The following GABRG1 variants were observed in gnomAD, a reference collection of about 807,000 sequenced individuals.
GABRG1 encodes gamma-aminobutyric acid type A receptor subunit gamma1, also known as gamma-aminobutyric acid receptor subunit gamma-1.
In GABRG1, 49 loss-of-function variants were observed where a neutral mutation model predicts 49.8. The observed-to-expected ratio is 0.98, with a 90% CI of 0.78 to 1.25. The LOEUF is 1.25. Among genes scored for constraint, GABRG1 ranks in the 50% most tolerant of loss-of-function variants. The probability of loss-of-function intolerance (pLI) is 0.00; values close to 1 mark genes in which losing one functional copy is unlikely to be tolerated. For missense variants in GABRG1, 552 were observed against 552.3 expected (o/e 1.00, Z 0.01); for synonymous variants, 232 against 185.1 (o/e 1.25, Z -2.06).
At position 46,064,532 on chromosome 4, in the gene GABRG1, A is replaced by T. The variant is rs750033919; in HGVS notation, c.543-9T>A. 1 of 1,366,394 alleles carries T rather than the reference A, an allele frequency of 7.3e-7. No individual in the cohort carries two copies. Among genetic ancestry groups the T allele is most frequent in the Non-Finnish European group, 1.0e-6 (1 of 1,004,672 alleles). The allele number at this position is 1,366,394 out of a possible 1,614,324, so 84.6% of individuals were successfully genotyped here. On this transcript the variant is annotated splice_polypyrimidine_tract_variant and intron_variant, in intron 4 of 8. Coordinates refer to ENST00000295452, the MANE Select transcript of GABRG1 (RefSeq NM_173536.4). ...CTGCATTAATTGTCAATCTATTTAG[A>T]TGGAAAGAAAAGTATTAAATAAAGA...
Position 46,059,410 on chromosome 4 carries a change from G to A in GABRG1, c.626-788C>T, listed in dbSNP as rs190904956. Among the ~76,000 whole-genome samples the A allele has an allele frequency of 6.6e-3, 999 of 150,236 alleles. 5 individuals are homozygous for A. The highest frequency in any genetic ancestry group is 7.6e-3 in the Non-Finnish European group (516 of 67,702). ...ATATTCTCCTTTTTTTTTTTTAGAC[G>A]GAGTCTCACTCTGTTGTCCAGGCTG... On this transcript the variant is annotated intron_variant, in intron 5 of 8. Coordinates refer to ENST00000295452, the MANE Select transcript of GABRG1 (RefSeq NM_173536.4).
chr4:46,071,425 G>T (rs1020988196), intron 3 of GABRG1, among the ~76,000 whole-genome samples: 13 of 148,246 alleles, frequency 8.8e-5, no homozygotes, highest in African/African-American at 3.2e-4. Flanking sequence ...ACACACATAT[G>T]TTATATATAT....
Position 46,041,247 on chromosome 4 carries a change from G to T in GABRG1, c.1139C>A (p.Pro380His). ...RKLKNKASMT[P>H]GLHPGSTLIP... ...CAGAGTGGATCCAGGATGGAGACCAGGAGTCATCTGAGCACAATAATAAAT... is the reference window on the plus strand; with the variant it reads ...CAGAGTGGATCCAGGATGGAGACCATGAGTCATCTGAGCACAATAATAAAT... Residue 380 changes from proline (P) to histidine (H), a missense_variant, in exon 9 of 9, where the codon CCT becomes CAT. Transcript: ENST00000295452. 1 of 1,612,074 alleles carries T rather than the reference G, an allele frequency of 6.2e-7. No homozygotes were observed. The highest frequency in any genetic ancestry group is 8.5e-7 in the Non-Finnish European group (1 of 1,178,842).
intron 3 of GABRG1, among the ~76,000 whole-genome samples, chr4:46,068,245 C>G (rs1718989812): frequency 6.6e-6 from 1 of 152,100 alleles, no homozygotes; most frequent in African/African-American, 2.4e-5. Flanking sequence ...ACAGCAGAAA[C>G]TACTTAAGAT....
intron 1 of GABRG1, among the ~76,000 whole-genome samples, chr4:46,114,203 A>G (rs1720814858): frequency 6.6e-6 from 1 of 151,152 alleles, no homozygotes; most frequent in Non-Finnish European, 1.5e-5. Flanking sequence ...ACAGCATTAT[A>G]GATTTAAACT....
Position 46,080,326 on chromosome 4 carries a change from T to C in GABRG1, c.321+3660A>G, listed in dbSNP as rs552192029. Among the ~76,000 whole-genome samples, 5 of 152,012 alleles carry C rather than the reference T, an allele frequency of 3.3e-5. 1 individual carries two copies. Among genetic ancestry groups the C allele is most frequent in the African/African-American group, 9.6e-5 (4 of 41,544 alleles). ...GATTACACTCACATTCAAAGCAATT[T>C]TGCTCATTTTATGAAAAGTGAATTC... On this transcript the variant is annotated intron_variant, in intron 3 of 8. Coordinates refer to ENST00000295452, the MANE Select transcript of GABRG1 (RefSeq NM_173536.4).
chr4:46,117,890 A>G (rs1487834423), intron 1 of GABRG1, among the ~76,000 whole-genome samples: 4 of 6,056 alleles, frequency 6.6e-4, no homozygotes, highest in African/African-American at 4.0e-3. Flanking sequence ...GTGTATCTAT[A>G]TACATATATA....
intron 3 of GABRG1, among the ~76,000 whole-genome samples, chr4:46,072,992 G>A (rs964065697): frequency 7.2e-5 from 11 of 151,818 alleles, no homozygotes; most frequent in African/African-American, 2.4e-4. Flanking sequence ...CTAGCAATCT[G>A]GCAAAAGAGT....
intron 1 of GABRG1, among the ~76,000 whole-genome samples, chr4:46,115,807 C>A (rs1368652272): frequency 6.7e-6 from 1 of 150,338 alleles, no homozygotes; most frequent in Non-Finnish European, 1.5e-5. Context: ...CGGACAATTG[C>A]CAATCATATC....
intron 1 of GABRG1, among the ~76,000 whole-genome samples, chr4:46,112,193 T>C (rs1207308905): frequency 6.6e-6 from 1 of 151,238 alleles, no homozygotes; most frequent in East Asian, 2.0e-4. Flanking sequence ...GAACAGACAT[T>C]TTTCAAAAGA....
chr4:46,082,746 T>C (rs918006444), intron 3 of GABRG1, among the ~76,000 whole-genome samples: 1 of 151,844 alleles, frequency 6.6e-6, no homozygotes, highest in African/African-American at 2.4e-5. Context: ...TCTCAGATTT[T>C]ATAATATCAT....
At chr4:46,088,180 C>T (rs1411401289) in intron 2 of GABRG1, among the ~76,000 whole-genome samples, 1 of 151,934 alleles carries the variant, frequency 6.6e-6, no homozygotes, top group Non-Finnish European at 1.5e-5. Flanking sequence ...TTCTGGGCAG[C>T]TGTTTGTGTT....
Position 46,097,274 on chromosome 4 carries a change from A to T in GABRG1, c.180T>A (p.His60Gln). ...NKTWVLAPKI[H>Q]EGDITQILNS... ...TCAGAATTTGTGTGATATCTCCTTC[A>T]TGAATTTTTGGGGCCAAGACCCAGG... is the stretch of plus-strand genomic sequence containing the variant. The change falls in exon 2 of 9, where the codon CAT becomes CAA. Residue 60 changes from histidine to glutamine, a missense_variant. By Grantham distance (24) the His-to-Gln change is conservative. Coordinates refer to ENST00000295452, the MANE Select transcript of GABRG1 (RefSeq NM_173536.4). 1 of 1,611,284 alleles carries T rather than the reference A, an allele frequency of 6.2e-7. No homozygotes were observed. Among genetic ancestry groups the T allele is most frequent in the Non-Finnish European group, 8.5e-7 (1 of 1,178,224 alleles).
chr4:46,049,177 C>G (rs1002393212), intron 8 of GABRG1, among the ~76,000 whole-genome samples: 2 of 151,816 alleles, frequency 1.3e-5, no homozygotes, highest in Admixed American at 1.3e-4. Flanking sequence ...ACATTTAATA[C>G]AGGCTTAATG....
chr4:46,063,494 G>A (rs548106704), intron 5 of GABRG1, among the ~76,000 whole-genome samples: 1 of 151,952 alleles, frequency 6.6e-6, no homozygotes, highest in East Asian at 1.9e-4. Context: ...ATGTAGAAAG[G>A]TGAAACTGGA....
At chr4:46,042,223 T>C (rs1253140735) in intron 8 of GABRG1, among the ~76,000 whole-genome samples, 1 of 151,914 alleles carries the variant, frequency 6.6e-6, no homozygotes, top group Non-Finnish European at 1.5e-5. Flanking sequence ...TGTTTATTCC[T>C]GATGAGGCCT....
rs1388292115 is a variant in GABRG1, at chr4:46,094,747, C to A, written c.253+2454G>T. Among the ~76,000 whole-genome samples, 3 of 151,934 alleles carry A rather than the reference C, an allele frequency of 2.0e-5. No individual in the cohort carries two copies. In the East Asian group the frequency reaches 5.9e-4, roughly 30 times the overall value. ...CCGACCACAAAATAAATAATACACC[C>A]CAACACCACAATCAAATCCAAAGTA... is the stretch of plus-strand genomic sequence containing the variant. On this transcript the variant is annotated intron_variant, in intron 2 of 8. Transcript: ENST00000295452.
At chr4:46,058,095 C>A (rs1718520460) in intron 7 of GABRG1, 122 bp downstream of exon 7, 3 of 850,958 alleles carry the variant, frequency 3.5e-6, no homozygotes, top group Admixed American at 6.0e-5. Context: ...TAGTTCCTGT[C>A]AATTTTTTTC....
In GABRG1 at chr4:46,099,860, G is replaced by A. The variant is rs1267491315; in HGVS notation, c.105-2511C>T. 3.3e-5 allele frequency among the ~76,000 whole-genome samples: 5 copies of A among 151,716 alleles called. 1 individual carries two copies. The highest frequency in any genetic ancestry group is 1.2e-4 in the African/African-American group (5 of 41,474). On this transcript the variant is annotated intron_variant, in intron 1 of 8. Coordinates refer to ENST00000295452, the MANE Select transcript of GABRG1 (RefSeq NM_173536.4). Reference sequence around the variant, plus strand: ...ATGAAGAAAAACTCTGTGAGAAGTGGATTAACTTGACCAATGTAACACTGC... The same window carrying A: ...ATGAAGAAAAACTCTGTGAGAAGTGAATTAACTTGACCAATGTAACACTGC...
Sources: gnomAD v4.1 joint callset for allele counts (sites outside exome capture counted in the v4.1 genomes callset) on GRCh38, gnomAD v4.1.1 for gene constraint, MANE v1.5 for transcripts, NCBI Gene and HGNC (gene_info 2026-07-23, HGNC 2026-07-21) for gene names.